UBXN7: variants seen among roughly 807,000 people sequenced by gnomAD.
UBXN7 encodes the protein UBX domain-containing protein 7.
A neutral mutation model predicts 58.0 loss-of-function variants in UBXN7; 9 were observed. The observed-to-expected ratio is 0.16, with a 90% CI of 0.09 to 0.27. The LOEUF (loss-of-function observed/expected upper bound fraction) is 0.27, where lower values mean the gene tolerates loss of function less well. UBXN7 is among the 10% of genes least tolerant of loss of function. The pLI is 1.00. For missense variants in UBXN7, 328 were observed against 599.6 expected (o/e 0.55, Z 4.73); for synonymous variants, 208 against 205.0 (o/e 1.01, Z -0.12).
chr3:196,425,035 C>T (rs1179061283), intron 1 of UBXN7, among the ~76,000 whole-genome samples: 1 of 152,114 alleles, frequency 6.6e-6, no homozygotes, highest in Non-Finnish European at 1.5e-5. Context: ...ATGAATATGA[C>T]AGATTTCTCA....
chr3:196,416,007 C>T (rs1560241662), intron 1 of UBXN7: 1 of 152,186 alleles, frequency 6.6e-6, no homozygotes, highest in Admixed American at 6.5e-5. Flanking sequence ...TATTTTGGCT[C>T]TTGTCTAAGT....
chr3:196,354,842 TATAA>T lies in UBXN7; in HGVS notation c.*1839_*1842del, dbSNP rs1288459734. ...CAAGGTAGAAATGAAACCGTAATTA[TATAA>T]ATATATTTATAAATATTTATACAAT... is the stretch of plus-strand genomic sequence containing the variant. On this transcript the variant is annotated 3_prime_UTR_variant, in exon 11 of 11. Transcript: ENST00000296328. The T allele has an allele frequency of 1.3e-5, 2 of 151,520 alleles. No homozygotes were observed. The highest frequency in any genetic ancestry group is 2.9e-5 in the Non-Finnish European group (2 of 67,882). The allele number at this position is 151,520 out of a possible 1,614,324, so 9.4% of individuals were successfully genotyped here.
chr3:196,350,507 A>G lies in UBXN7; in HGVS notation c.*6178T>C, dbSNP rs774082420. 1 of 152,262 alleles carries G rather than the reference A, an allele frequency of 6.6e-6. No individual in the cohort carries two copies. Among genetic ancestry groups the G allele is most frequent in the Non-Finnish European group, 1.5e-5 (1 of 68,048 alleles). 9.4% of individuals were successfully genotyped at this position (152,262 alleles called of 1,614,324 possible). On this transcript the variant is annotated 3_prime_UTR_variant, in exon 11 of 11. Transcript: ENST00000296328. The stretch of plus-strand genomic sequence containing the variant: ...AACATAGCCAATTACACTAAAAATC[A>G]TAACTATTTTCAGAGAATGAATGTT...
At position 196,394,603 on chromosome 3, in the gene UBXN7, C is replaced by CA. The variant is rs58896906; in HGVS notation, c.290-985dup. On this transcript the variant is annotated intron_variant, in intron 3 of 10. Coordinates refer to ENST00000296328, the MANE Select transcript of UBXN7 (RefSeq NM_015562.2). ...GGGCAAGAAGAGTGAAACTCCGTCT[C>CA]AAAAAAAAAAAAAAGTTTACTATCT... 5.4e-3 allele frequency among the ~76,000 whole-genome samples: 619 copies of CA among 113,812 alleles called. 2 individuals carry two copies. Among genetic ancestry groups the CA allele is most frequent in the Middle Eastern group, 9.7e-3 (2 of 206 alleles). The allele number at this position is 113,812 out of a possible 152,430, so 74.7% of individuals were successfully genotyped here. A position where few individuals can be genotyped will look rare whatever the true frequency, so the allele number is the denominator to read the frequency against.
At position 196,356,728 on chromosome 3, in the gene UBXN7, C is replaced by T; in HGVS notation, c.1427G>A (p.Gly476Asp). 1 of 1,612,450 alleles carries T rather than the reference C, an allele frequency of 6.2e-7. No homozygotes were observed. The highest frequency in any genetic ancestry group is 8.5e-7 in the Non-Finnish European group (1 of 1,179,658). ...LDYDITLQEA[G>D]LCPQETVFVQ... The stretch of plus-strand genomic sequence containing the variant: ...AAAGACAGTCTCTTGAGGACAAAGG[C>T]CTGCCTCTTGCAATGTAATATCATA... The change falls in exon 11 of 11, where the codon GGC (glycine) becomes GAC (aspartate). Residue 476 changes from glycine (G) to aspartate (D), a missense_variant. By Grantham distance (94) the Gly-to-Asp change is moderately conservative (BLOSUM62 -1). Coordinates refer to ENST00000296328, the MANE Select transcript of UBXN7 (RefSeq NM_015562.2).
chr3:196,416,721 G>A (rs1202503982), intron 1 of UBXN7, among the ~76,000 whole-genome samples: 6 of 151,896 alleles, frequency 4.0e-5, no homozygotes. Flanking sequence ...GATTAATTTG[G>A]GTAAACAAAC....
intron 1 of UBXN7, among the ~76,000 whole-genome samples, chr3:196,422,227 G>A (rs147002827): frequency 2.2e-3 from 340 of 152,062 alleles, no homozygotes; most frequent in African/African-American, 7.5e-3. Context: ...AAGCCCAGGC[G>A]TGGAGGCTCA....
chr3:196,421,598 C>G (rs1053382925), intron 1 of UBXN7, among the ~76,000 whole-genome samples: 5 of 151,478 alleles, frequency 3.3e-5, no homozygotes, highest in Non-Finnish European at 5.9e-5. Context: ...GGTGAAACCC[C>G]CCCCCAGTCT....
At chr3:196,408,398 A>G (rs1218922754) in intron 1 of UBXN7, among the ~76,000 whole-genome samples, 3 of 152,208 alleles carry the variant, frequency 2.0e-5, no homozygotes, top group African/African-American at 7.2e-5. Flanking sequence ...GTCAAAAGAA[A>G]ATAAAATCTA....
intron 6 of UBXN7, among the ~76,000 whole-genome samples, chr3:196,370,857 CAAAAAAAAA>C (rs11347018): frequency 2.3e-5 from 2 of 86,338 alleles, no homozygotes; most frequent in African/African-American, 9.4e-5. Flanking sequence ...CCCATCTCTA[CAAAAAAAAA>C]AAAAAAAAAA....
At chr3:196,430,010 A>G (rs1434116974) in intron 1 of UBXN7, among the ~76,000 whole-genome samples, 1 of 152,196 alleles carries the variant, frequency 6.6e-6, no homozygotes, top group Non-Finnish European at 1.5e-5. Flanking sequence ...CGTTAAACCA[A>G]TCAGAGTTTG....
intron 5 of UBXN7, among the ~76,000 whole-genome samples, 157 bp downstream of exon 5, chr3:196,391,655 GC>G (rs1246664750): frequency 6.6e-6 from 1 of 152,068 alleles, no homozygotes; most frequent in Non-Finnish European, 1.5e-5. Context: ...GATCCCTTGA[GC>G]CCAAGAGTTC....
At chr3:196,369,546 C>G (rs1333880240) in intron 6 of UBXN7, 35 bp from the exon 7 acceptor site, 1 of 1,542,190 alleles carries the variant, frequency 6.5e-7, no homozygotes, top group South Asian at 1.2e-5. Context: ...AAAAGTCAGC[C>G]TCTAAGAAAA....
chr3:196,417,109 C>T (rs374552908), intron 1 of UBXN7, among the ~76,000 whole-genome samples: 54 of 152,094 alleles, frequency 3.6e-4, no homozygotes, highest in Middle Eastern at 3.4e-3. Flanking sequence ...GTCAGGAGAT[C>T]GAGACCATCC....
intron 1 of UBXN7, among the ~76,000 whole-genome samples, chr3:196,424,410 T>A (rs9845963): frequency 0.5 from 67,840 of 134,968 alleles, 17,646 homozygotes; most frequent in East Asian, 0.89. Flanking sequence ...TTTTTTTTTT[T>A]AAGAGACAAG....
rs2108821570 is a variant in UBXN7 at position 196,351,570 on chromosome 3, G to A, written c.*5115C>T. 1 of 152,302 alleles carries A rather than the reference G, an allele frequency of 6.6e-6. No homozygotes were observed. The highest frequency in any genetic ancestry group is 3.4e-3 in the Middle Eastern group (1 of 294). The allele number at this position is 152,302 out of a possible 1,614,324, so 9.4% of individuals were successfully genotyped here. A position where few individuals can be genotyped will look rare whatever the true frequency, so the allele number is the denominator to read the frequency against. Reference sequence around the variant, plus strand: ...TAGGGATAATACGCAATCACGGGGAGAGACTGGAAGCATGAAATTTTGGAA... The same window carrying A: ...TAGGGATAATACGCAATCACGGGGAAAGACTGGAAGCATGAAATTTTGGAA... On this transcript the variant is annotated 3_prime_UTR_variant, in exon 11 of 11. Coordinates refer to ENST00000296328, the MANE Select transcript of UBXN7 (RefSeq NM_015562.2).
chr3:196,394,715 C>A (rs1024429134), intron 3 of UBXN7, among the ~76,000 whole-genome samples: 3 of 152,114 alleles, frequency 2.0e-5, no homozygotes, highest in African/African-American at 7.2e-5. Context: ...CTGCAGATAT[C>A]CAATTCAGGT....
intron 5 of UBXN7, among the ~76,000 whole-genome samples, chr3:196,385,906 T>C (rs1445859681): frequency 1.3e-5 from 2 of 152,140 alleles, no homozygotes; most frequent in African/African-American, 2.4e-5. Context: ...GAACGGGCCA[T>C]GATGACGATG....
At chr3:196,413,697 C>T (rs1229724665) in intron 1 of UBXN7, among the ~76,000 whole-genome samples, 1 of 152,178 alleles carries the variant, frequency 6.6e-6, no homozygotes, top group Non-Finnish European at 1.5e-5. Context: ...ACATCTCTTA[C>T]ATGAATTACT....
Sources: gnomAD v4.1 joint callset for allele counts (sites outside exome capture counted in the v4.1 genomes callset) on GRCh38, gnomAD v4.1.1 for gene constraint, MANE v1.5 for transcripts, NCBI Gene and HGNC (gene_info 2026-07-23, HGNC 2026-07-21) for gene names.